Variants in PCDH15 observed in about 807,000 individuals in gnomAD.
The protein encoded by PCDH15 is protocadherin related 15.
A neutral mutation model predicts 178.5 loss-of-function variants in PCDH15; 129 were observed. That is an observed-to-expected ratio of 0.72 (90% CI 0.63 to 0.84). PCDH15 has a LOEUF of 0.84. PCDH15 is among the 40% of genes least tolerant of loss of function. The probability of loss-of-function intolerance (pLI) is 0.00; values close to 1 mark genes in which losing one functional copy is unlikely to be tolerated. For missense variants in PCDH15, 2,230 were observed against 2,099.9 expected (o/e 1.06, Z -1.21); for synonymous variants, 800 against 732.0 (o/e 1.09, Z -1.50).
intron 1 of PCDH15, among the ~76,000 whole-genome samples, chr10:55,298,199 A>T (rs1843183072): frequency 6.6e-6 from 1 of 152,224 alleles, no homozygotes; most frequent in African/African-American, 2.4e-5. Context: ...AGAAAAGGGG[A>T]ATAAGAATGC....
At chr10:54,820,203 T>C (rs1227741433) in intron 3 of PCDH15, among the ~76,000 whole-genome samples, 1 of 152,064 alleles carries the variant, frequency 6.6e-6, no homozygotes, top group East Asian at 1.9e-4. Flanking sequence ...AATGGAGATG[T>C]GTAACTACCT....
intron 1 of PCDH15, among the ~76,000 whole-genome samples, chr10:54,732,643 C>T (rs1943568299): frequency 6.6e-6 from 1 of 151,440 alleles, no homozygotes; most frequent in African/African-American, 2.4e-5. Flanking sequence ...TGAACAATCC[C>T]TTCCAAAAAA....
At chr10:54,147,613 C>T (rs1386114727) in intron 14 of PCDH15, among the ~76,000 whole-genome samples, 1 of 151,676 alleles carries the variant, frequency 6.6e-6, no homozygotes, top group African/African-American at 2.4e-5. Context: ...ATTTATTTAG[C>T]ACAACACAAT....
rs545993044 is a variant in PCDH15, at chr10:54,625,260, G to A, written c.91+38912C>T. On this transcript the variant is annotated intron_variant, in intron 2 of 37. Transcript: ENST00000644397. Reference sequence around the variant, plus strand: ...TTACATTTCAAAAGGAGGTCTCCCAGGTCCTTGAGAAAGACATTCCTGAGT... The same window carrying A: ...TTACATTTCAAAAGGAGGTCTCCCAAGTCCTTGAGAAAGACATTCCTGAGT... 9.2e-5 allele frequency among the ~76,000 whole-genome samples: 14 copies of A among 152,232 alleles called. No individual in the cohort carries two copies. The South Asian group carries it at 2.7e-3, about 29-fold the overall frequency.
chr10:55,224,417 T>A (rs1016167108), intron 1 of PCDH15, among the ~76,000 whole-genome samples: 4 of 152,088 alleles, frequency 2.6e-5, no homozygotes, highest in African/African-American at 9.7e-5. Flanking sequence ...GTCTGTGCTT[T>A]AAGGGTCCTT....
chr10:54,629,811 G>A (rs920916267), intron 2 of PCDH15, among the ~76,000 whole-genome samples: 24 of 152,030 alleles, frequency 1.6e-4, no homozygotes, highest in African/African-American at 5.8e-4. Flanking sequence ...AACTCTCTTT[G>A]GTGCTGATAT....
At chr10:54,166,875 T>C (rs2046285734) in intron 13 of PCDH15, among the ~76,000 whole-genome samples, 2 of 152,304 alleles carry the variant, frequency 1.3e-5, no homozygotes, top group African/African-American at 4.8e-5. Context: ...TGAAAGTCCT[T>C]TTCCTCGCTC....
intron 2 of PCDH15, among the ~76,000 whole-genome samples, chr10:54,908,309 T>C (rs1302851206): frequency 2.0e-5 from 3 of 152,130 alleles, no homozygotes; most frequent in Non-Finnish European, 4.4e-5. Flanking sequence ...GCTGGCACAG[T>C]CACCAGCTCC....
At chr10:54,072,566 G>A (rs748173726) in intron 17 of PCDH15, among the ~76,000 whole-genome samples, 1 of 152,174 alleles carries the variant, frequency 6.6e-6, no homozygotes, top group Non-Finnish European at 1.5e-5. Flanking sequence ...GAAGGCAGGA[G>A]GCAGAGGTCC....
chr10:55,519,737 T>G (rs998796259), intron 2 of PCDH15, among the ~76,000 whole-genome samples: 1 of 63,746 alleles, frequency 1.6e-5, no homozygotes, highest in Non-Finnish European at 3.6e-5. Flanking sequence ...TATGTGTATC[T>G]TTTTTTTTAC....
intron 22 of PCDH15, 91 bp downstream of exon 22, chr10:53,961,661 G>T: frequency 7.4e-5 from 68 of 922,734 alleles, no homozygotes; most frequent in Middle Eastern, 2.9e-4. Flanking sequence ...GAGAAAAATT[G>T]AAAGAAAAAA....
At chr10:53,913,645 G>A (rs182327955) in intron 25 of PCDH15, among the ~76,000 whole-genome samples, 6 of 151,938 alleles carry the variant, frequency 3.9e-5, no homozygotes, top group African/African-American at 1.4e-4. Flanking sequence ...TCGGGAGGCT[G>A]AGGCAGGAGA....
At chr10:54,698,097 A>G (rs1565972461) in intron 1 of PCDH15, among the ~76,000 whole-genome samples, 1 of 152,128 alleles carries the variant, frequency 6.6e-6, no homozygotes, top group Non-Finnish European at 1.5e-5. Context: ...TTCTCATTCA[A>G]TGCAGTTACA....
chr10:54,690,534 C>T (rs758819776), intron 1 of PCDH15, among the ~76,000 whole-genome samples: 1 of 151,904 alleles, frequency 6.6e-6, no homozygotes, highest in Non-Finnish European at 1.5e-5. Flanking sequence ...AGGCTTGTCT[C>T]GATCTCCTGA....
At chr10:54,703,930 G>A (rs2095340095) in intron 1 of PCDH15, among the ~76,000 whole-genome samples, 1 of 152,044 alleles carries the variant, frequency 6.6e-6, no homozygotes, top group South Asian at 2.1e-4. Flanking sequence ...GGACAGAATA[G>A]ACAACCCAGA....
chr10:54,671,802 T>C (rs2094679269), intron 1 of PCDH15, among the ~76,000 whole-genome samples: 1 of 152,104 alleles, frequency 6.6e-6, no homozygotes, highest in Non-Finnish European at 1.5e-5. Context: ...CAGTCACACC[T>C]AAAGTAGCTC....
upstream of PCDH15, chr10:54,801,418 A>G (rs1952642836): frequency 6.6e-6 from 1 of 152,236 alleles, no homozygotes. Flanking sequence ...AGCAGGTGCT[A>G]CAGCCCAAAA....
chr10:53,806,605 GGTT>G lies in PCDH15; in HGVS notation c.5194_5196del (p.Asn1732del), dbSNP rs778698392. ...CACAGTTTTGTCATTGGTATATGGA[GGTT>G]GTTCCAGGGGCCCATCCAAAGCTCT... On this transcript the variant is annotated inframe_deletion, in exon 38 of 38. Coordinates refer to ENST00000644397, the MANE Select transcript of PCDH15 (RefSeq NM_001384140.1). 2 of 1,613,436 alleles carry G rather than the reference GGTT, an allele frequency of 1.2e-6. No homozygotes were observed. Among genetic ancestry groups the G allele is most frequent in the Admixed American group, 3.3e-5 (2 of 59,906 alleles).
chr10:55,576,826 G>T (rs10825547), intron 2 of PCDH15, among the ~76,000 whole-genome samples: 3 of 151,956 alleles, frequency 2.0e-5, no homozygotes, highest in African/African-American at 7.3e-5. Context: ...TAAAACATGA[G>T]TTATTTGCAT....
Sources: allele counts gnomAD v4.1 joint callset (sites outside exome capture counted in the v4.1 genomes callset), GRCh38; gene constraint gnomAD v4.1.1; transcripts MANE v1.5; gene names NCBI Gene and HGNC (gene_info 2026-07-23, HGNC 2026-07-21).